Variants in BUB1 observed in about 807,000 individuals in gnomAD.
The protein encoded by BUB1 is BUB1 mitotic checkpoint serine/threonine kinase.
A neutral mutation model predicts 135.2 loss-of-function variants in BUB1; 84 were observed. The ratio of observed to expected loss-of-function variants is 0.62; its 90% CI spans 0.52 to 0.74. BUB1 has a LOEUF of 0.74. Among genes scored for constraint, BUB1 ranks in the 30% least tolerant of loss-of-function variants. The pLI, the probability that BUB1 is intolerant of heterozygous loss-of-function variation, is 0.00. For missense variants in BUB1, 1,162 were observed against 1,288.3 expected (o/e 0.90, Z 1.50); for synonymous variants, 403 against 434.4 (o/e 0.93, Z 0.90).
intron 1 of BUB1, chr2:110,675,322 T>C (rs1389451502): frequency 6.6e-6 from 1 of 152,270 alleles, no homozygotes; most frequent in East Asian, 1.9e-4. Flanking sequence ...TGAGTTACTA[T>C]TTTTAGATAG....
intron 20 of BUB1, 143 bp downstream of exon 20, chr2:110,641,976 A>C (rs1689517951): frequency 9.9e-7 from 1 of 1,014,866 alleles, no homozygotes; most frequent in African/African-American, 1.6e-5. Flanking sequence ...AAAAATTCTA[A>C]ATCTTTTGTA....
At position 110,641,139 on chromosome 2, in the gene BUB1, A is replaced by G; in HGVS notation, c.2850T>C (p.Ser950=). The part of the protein sequence containing the change: ...AGLALIDLGQ[S]IDMKLFPKGT... ...CTTTTGGAAAAAGTTTCATATCTATACTCTGACCCAGGTCAATCAGTGCCA... is the reference window on the plus strand; with the variant it reads ...CTTTTGGAAAAAGTTTCATATCTATGCTCTGACCCAGGTCAATCAGTGCCA... The change falls in exon 23 of 25, where the codon AGT becomes AGC. Residue 950 remains serine (S), a synonymous_variant. Coordinates refer to ENST00000302759, the MANE Select transcript of BUB1 (RefSeq NM_004336.5). The G allele has an allele frequency of 6.2e-7, 1 of 1,613,284 alleles. No individual in the cohort carries two copies. The highest frequency in any genetic ancestry group is 1.3e-5 in the African/African-American group (1 of 74,978).
rs1559175700 is a variant in BUB1 at position 110,672,653 on chromosome 2, G to A, written c.422+8C>T. ...GAATCATCACAGAGAGTTTGACTTTGTAACTACCTGTATTGTTGTTGCAGG... is the reference window on the plus strand; with the variant it reads ...GAATCATCACAGAGAGTTTGACTTTATAACTACCTGTATTGTTGTTGCAGG... On this transcript the variant is annotated splice_region_variant and intron_variant, in intron 4 of 24. Transcript: ENST00000302759. The A allele has an allele frequency of 1.9e-6, 3 of 1,555,660 alleles. No homozygotes were observed. The highest frequency in any genetic ancestry group is 2.6e-6 in the Non-Finnish European group (3 of 1,151,668).
At chr2:110,638,685 C>T (rs771998313) in intron 24 of BUB1, among the ~76,000 whole-genome samples, 7 of 152,206 alleles carry the variant, frequency 4.6e-5, no homozygotes, top group Non-Finnish European at 8.8e-5. Context: ...GAATTGTGCT[C>T]CACATAGGAA....
chr2:110,663,288 A>AT (rs2104545765), intron 9 of BUB1, among the ~76,000 whole-genome samples: 1 of 152,366 alleles, frequency 6.6e-6, no homozygotes, highest in Non-Finnish European at 1.5e-5. Context: ...TCAAAAAAAA[A>AT]GAAAGTTGTA....
intron 18 of BUB1, among the ~76,000 whole-genome samples, chr2:110,650,299 G>A (rs1376110197): frequency 1.3e-5 from 2 of 152,102 alleles, no homozygotes; most frequent in Non-Finnish European, 2.9e-5. Flanking sequence ...GCACGTAGTA[G>A]GCTGTCAAAT....
intron 19 of BUB1, among the ~76,000 whole-genome samples, chr2:110,644,056 T>G (rs1476802772): frequency 3.2e-4 from 5 of 15,672 alleles, no homozygotes; most frequent in South Asian, 1.0e-3. Context: ...AAAACTGAAA[T>G]GCAAAAAAAA....
chr2:110,658,930 G>A (rs1276583686), intron 11 of BUB1, among the ~76,000 whole-genome samples, 188 bp from the exon 12 acceptor site: 2 of 152,212 alleles, frequency 1.3e-5, no homozygotes, highest in East Asian at 1.9e-4. Context: ...TGAAGTAAAT[G>A]AGGTGAAAAT....
At chr2:110,665,673 T>C (rs982467643) in intron 9 of BUB1, among the ~76,000 whole-genome samples, 2 of 152,058 alleles carry the variant, frequency 1.3e-5, no homozygotes, top group African/African-American at 4.8e-5. Flanking sequence ...ACACCTTTCA[T>C]GTGATATTTT....
intron 5 of BUB1, among the ~76,000 whole-genome samples, chr2:110,670,021 G>C (rs1690374150): frequency 6.7e-6 from 1 of 150,312 alleles, no homozygotes; most frequent in Admixed American, 6.7e-5. Context: ...AAAATGCTAA[G>C]ACAAAGCCTC....
intron 11 of BUB1, among the ~76,000 whole-genome samples, chr2:110,659,427 C>T (rs1559170343): frequency 6.6e-6 from 1 of 152,096 alleles, no homozygotes; most frequent in Non-Finnish European, 1.5e-5. Flanking sequence ...TCATCCCTAA[C>T]TATGTATAAC....
chr2:110,662,351 C>G (rs1036603591), intron 9 of BUB1, among the ~76,000 whole-genome samples: 4 of 152,174 alleles, frequency 2.6e-5, no homozygotes, highest in African/African-American at 9.7e-5. Context: ...GCCACAAAAG[C>G]CTGTCTCACA....
Position 110,669,461 on chromosome 2 carries a change from T to C in BUB1, c.559A>G (p.Lys187Glu). Residue 187 changes from lysine (K) to glutamate (E), a missense_variant, in exon 6 of 25, where the codon AAG becomes GAG. Lys to Glu is a moderately conservative substitution (Grantham distance 56). Coordinates refer to ENST00000302759, the MANE Select transcript of BUB1 (RefSeq NM_004336.5). ...ACAAATGTCATTATTACCTGATTCT[T>C]AGAAATGCAGGCCATGTTATTTCCT... ...NPGNNMACIS[K>E]NQGSELSGVI... 6.3e-7 allele frequency: 1 copy of C among 1,587,636 alleles called. No individual in the cohort carries two copies. Among genetic ancestry groups the C allele is most frequent in the African/African-American group, 1.3e-5 (1 of 74,428 alleles).
chr2:110,641,997 T>C (rs929317381), intron 20 of BUB1, 122 bp downstream of exon 20: 9 of 1,022,856 alleles, frequency 8.8e-6, no homozygotes, highest in Middle Eastern at 2.9e-4. Flanking sequence ...GTTTTTGTTT[T>C]TTAATTGCCA....
intron 9 of BUB1, among the ~76,000 whole-genome samples, chr2:110,662,235 T>G (rs1690119885): frequency 6.6e-6 from 1 of 152,172 alleles, no homozygotes; most frequent in South Asian, 2.1e-4. Context: ...GATTGGTATA[T>G]GAGATAGGGC....
chr2:110,649,171 G>A (rs1277363727), intron 19 of BUB1, 63 bp downstream of exon 19: 31 of 1,338,800 alleles, frequency 2.3e-5, no homozygotes, highest in Middle Eastern at 2.2e-4. Flanking sequence ...ACACACACAC[G>A]TTACCATCAA....
At chr2:110,675,061 A>G (rs1157924706) in intron 1 of BUB1, 1 of 152,672 alleles carries the variant, frequency 6.5e-6, no homozygotes, top group East Asian at 1.9e-4. Context: ...TCAAAGTAAC[A>G]AAGTCCCTGA....
Position 110,641,447 on chromosome 2 carries a change from A to G in BUB1, c.2643T>C (p.Tyr881=). Residue 881 remains tyrosine (Y), a synonymous_variant, in exon 22 of 25, where the codon TAT becomes TAC. Transcript: ENST00000302759. ...YGTLLNAINL[Y]KNTPEKVMPQ... ...GCATCACTTTTTCAGGGGTATTTTT[A>G]TAGAGGTTAATGGCATTCTAGGAAC... is the stretch of plus-strand genomic sequence containing the variant. 6.2e-7 allele frequency: 1 copy of G among 1,612,248 alleles called. No individual in the cohort carries two copies. Among genetic ancestry groups the G allele is most frequent in the Non-Finnish European group, 8.5e-7 (1 of 1,179,528 alleles).
At position 110,637,979 on chromosome 2, in the gene BUB1, C is replaced by T. The variant is rs1284234112; in HGVS notation, c.3243G>A (p.Lys1081=). The T allele has an allele frequency of 1.3e-6, 2 of 1,506,124 alleles. No individual in the cohort carries two copies. The highest frequency in any genetic ancestry group is 1.8e-6 in the Non-Finnish European group (2 of 1,124,664). 93.3% of individuals were successfully genotyped at this position (1,506,124 alleles called of 1,614,324 possible). The part of the protein sequence containing the change: ...NRLIVLLLEC[K]RSRK ...TATCCAAATTTTATTTTCGTGAACG[C>T]TTACATTCTAAGAGCAGTACAATTA... The change falls in exon 25 of 25, where the codon AAG becomes AAA. Residue 1081 remains lysine (K), a synonymous_variant. Transcript: ENST00000302759.
Sources: gnomAD v4.1 joint callset for allele counts (sites outside exome capture counted in the v4.1 genomes callset) on GRCh38, gnomAD v4.1.1 for gene constraint, MANE v1.5 for transcripts, NCBI Gene and HGNC (gene_info 2026-07-23, HGNC 2026-07-21) for gene names.